The following GPSM2 variants were observed in gnomAD, a reference collection of about 807,000 sequenced individuals.
GPSM2 encodes the protein G protein-signaling modulator 2.
Under a neutral mutation model 78.4 loss-of-function variants are expected in GPSM2, and 58 were observed. The observed-to-expected ratio is 0.74, with a 90% CI of 0.60 to 0.92. The LOEUF (loss-of-function observed/expected upper bound fraction) is 0.92. Ranked by LOEUF, GPSM2 falls within the 40% of genes least tolerant of loss-of-function variation. The pLI is 0.00. For synonymous variants in GPSM2, 224 were observed against 280.2 expected (o/e 0.80, Z 2.00); for missense variants, 700 against 815.5 (o/e 0.86, Z 1.73).
intron 10 of GPSM2, among the ~76,000 whole-genome samples, chr1:108,908,094 G>A (rs338493): frequency 0.025 from 3,881 of 152,280 alleles, 166 homozygotes; most frequent in African/African-American, 0.087. Flanking sequence ...TACAGGGGCC[G>A]GGCGCCATGG....
Position 108,897,051 on chromosome 1 carries a change from T to G in GPSM2, c.244T>G (p.Leu82Val). 1 of 1,611,640 alleles carries G rather than the reference T, an allele frequency of 6.2e-7. No homozygotes were observed. Among genetic ancestry groups the G allele is most frequent in the South Asian group, 1.1e-5 (1 of 91,026 alleles). Reference sequence around the variant, plus strand: ...CTATTTGCATGATTATGCCAAAGCATTAGAATATCACCATCATGATTTAAC... The same window carrying G: ...CTATTTGCATGATTATGCCAAAGCAGTAGAATATCACCATCATGATTTAAC... ...YFYLHDYAKA[L>V]EYHHHDLTLA... The change falls in exon 3 of 15, where the codon TTA (leucine) becomes GTA (valine). Residue 82 changes from leucine to valine, a missense_variant. Coordinates refer to ENST00000264126, the MANE Select transcript of GPSM2 (RefSeq NM_013296.5).
At chr1:108,886,485 G>T (rs12046219) in intron 2 of GPSM2, among the ~76,000 whole-genome samples, 1 of 145,936 alleles carries the variant, frequency 6.9e-6, no homozygotes, top group South Asian at 2.2e-4. Context: ...CAAGCTTCAC[G>T]GTCCCTAGGG....
At chr1:108,901,969 T>C (rs1422410907) in intron 8 of GPSM2, 24 bp downstream of exon 8, 2 of 1,530,686 alleles carry the variant, frequency 1.3e-6, no homozygotes, top group East Asian at 2.3e-5. Context: ...CTTTTTACCA[T>C]AACTAAGGTA....
chr1:108,877,885 T>G (rs1374611530), intron 1 of GPSM2: 1 of 152,232 alleles, frequency 6.6e-6, no homozygotes, highest in Non-Finnish European at 1.5e-5. Context: ...TTAGAGCATT[T>G]GAACTAGTAG....
intron 2 of GPSM2, among the ~76,000 whole-genome samples, chr1:108,890,349 G>A (rs902995419): frequency 6.6e-5 from 10 of 152,142 alleles, no homozygotes; most frequent in African/African-American, 2.4e-4. Context: ...GAATAGTATT[G>A]TGCTTTCTAA....
chr1:108,905,182 G>A (rs553223979), intron 10 of GPSM2, among the ~76,000 whole-genome samples: 6 of 152,274 alleles, frequency 3.9e-5, no homozygotes, highest in South Asian at 2.1e-4. Flanking sequence ...TTGAATGATG[G>A]GCTAAGACGT....
At chr1:108,928,493 C>T (rs560327833) in intron 14 of GPSM2, among the ~76,000 whole-genome samples, 79 of 152,312 alleles carry the variant, frequency 5.2e-4, no homozygotes, top group African/African-American at 1.8e-3. Context: ...TAAATAACTG[C>T]ACCCTCTGAG....
intron 1 of GPSM2, among the ~76,000 whole-genome samples, chr1:108,885,071 A>T (rs1348652047): frequency 6.6e-6 from 1 of 152,192 alleles, no homozygotes; most frequent in South Asian, 2.1e-4. Flanking sequence ...AACATATTTT[A>T]AAAATTACAG....
intron 7 of GPSM2, 149 bp from the exon 8 acceptor site, chr1:108,901,641 A>G (rs1014687668): frequency 1.1e-4 from 71 of 665,204 alleles, no homozygotes; most frequent in Non-Finnish European, 1.7e-4. Flanking sequence ...TCTAAAAGTA[A>G]TGGAGAAAGT....
At chr1:108,892,609 G>A (rs1648052794) in intron 2 of GPSM2, among the ~76,000 whole-genome samples, 1 of 152,138 alleles carries the variant, frequency 6.6e-6, no homozygotes, top group Non-Finnish European at 1.5e-5. Flanking sequence ...TTTTAATGGA[G>A]GGGTATGTTC....
chr1:108,921,975 G>T (rs1650745359), intron 12 of GPSM2, among the ~76,000 whole-genome samples: 1 of 151,922 alleles, frequency 6.6e-6, no homozygotes, highest in Non-Finnish European at 1.5e-5. Flanking sequence ...TTTGAAGTTT[G>T]TATTTTTTCA....
In GPSM2 at chr1:108,931,077, T is replaced by G. The variant is rs1453994629; in HGVS notation, c.*1137T>G. 2 of 292,516 alleles carry G rather than the reference T, an allele frequency of 6.8e-6. No homozygotes were observed. The highest frequency in any genetic ancestry group is 1.3e-5 in the Non-Finnish European group (2 of 155,536). 18.1% of individuals were successfully genotyped at this position (292,516 alleles called of 1,614,324 possible). On this transcript the variant is annotated 3_prime_UTR_variant, in exon 15 of 15. Coordinates refer to ENST00000264126, the MANE Select transcript of GPSM2 (RefSeq NM_013296.5). Reference sequence around the variant, plus strand: ...TAGAAAACAAGTATCTTTTGTGTGTTTTGGGCTGTTTAAAAAAATTATTTA... The same window carrying G: ...TAGAAAACAAGTATCTTTTGTGTGTGTTGGGCTGTTTAAAAAAATTATTTA...
intron 1 of GPSM2, among the ~76,000 whole-genome samples, chr1:108,884,494 C>G (rs1047912330): frequency 6.6e-6 from 1 of 152,116 alleles, no homozygotes; most frequent in African/African-American, 2.4e-5. Context: ...ATCTCAGAAA[C>G]AACGTTCAGC....
In GPSM2 at chr1:108,933,007, A is replaced by C. The variant is rs1002254995; in HGVS notation, c.*3067A>C. 1 of 152,236 alleles carries C rather than the reference A, an allele frequency of 6.6e-6. No individual in the cohort carries two copies. The highest frequency in any genetic ancestry group is 1.9e-4 in the East Asian group (1 of 5,202). 9.4% of individuals were successfully genotyped at this position (152,236 alleles called of 1,614,324 possible). A position where few individuals can be genotyped will look rare whatever the true frequency, so the allele number is the denominator to read the frequency against. ...ACGATCCTCTTGCCTCAGCCCTCCAAGTAGCTGGGACTACAGGCGTGTACC... is the reference window on the plus strand; with the variant it reads ...ACGATCCTCTTGCCTCAGCCCTCCACGTAGCTGGGACTACAGGCGTGTACC... On this transcript the variant is annotated 3_prime_UTR_variant, in exon 15 of 15. Transcript: ENST00000264126.
chr1:108,888,082 C>G (rs1647701357), intron 2 of GPSM2, among the ~76,000 whole-genome samples: 1 of 152,204 alleles, frequency 6.6e-6, no homozygotes, highest in Non-Finnish European at 1.5e-5. Flanking sequence ...TGGAGTATCA[C>G]TCTGTCACCC....
At chr1:108,907,863 C>A (rs1649370841) in intron 10 of GPSM2, among the ~76,000 whole-genome samples, 1 of 152,182 alleles carries the variant, frequency 6.6e-6, no homozygotes, top group South Asian at 2.1e-4. Context: ...ACTCTGGCTC[C>A]AGAATCCGTC....
chr1:108,911,767 TG>T (rs1355824538), intron 10 of GPSM2, among the ~76,000 whole-genome samples: 1 of 150,200 alleles, frequency 6.7e-6, no homozygotes, highest in Non-Finnish European at 1.5e-5. Flanking sequence ...TAGTAATTGA[TG>T]GGTGATAAAC....
chr1:108,896,165 A>G (rs1648351266), intron 2 of GPSM2, among the ~76,000 whole-genome samples: 1 of 152,152 alleles, frequency 6.6e-6, no homozygotes, highest in African/African-American at 2.4e-5. Context: ...CAGTGACTTA[A>G]TCCTTCTTTT....
At chr1:108,881,171 A>G (rs1665880433) in intron 1 of GPSM2, among the ~76,000 whole-genome samples, 1 of 152,200 alleles carries the variant, frequency 6.6e-6, no homozygotes, top group African/African-American at 2.4e-5. Context: ...CGGGATATGG[A>G]AAAAATGATT....
Sources: gnomAD v4.1 joint callset for allele counts (sites outside exome capture counted in the v4.1 genomes callset) on GRCh38, gnomAD v4.1.1 for gene constraint, MANE v1.5 for transcripts, NCBI Gene and HGNC (gene_info 2026-07-23, HGNC 2026-07-21) for gene names.